Variants in SH3RF3 observed in about 807,000 individuals in gnomAD.
SH3RF3 encodes SH3 domain containing ring finger 3, also known as E3 ubiquitin-protein ligase SH3RF3.
SH3RF3 carries 29 observed loss-of-function variants against 66.3 expected under a neutral mutation model. The observed-to-expected ratio is 0.44, with a 90% CI of 0.33 to 0.60. The LOEUF (loss-of-function observed/expected upper bound fraction) is 0.60. Among genes scored for constraint, SH3RF3 ranks in the 20% least tolerant of loss-of-function variants. The pLI, the probability that SH3RF3 is intolerant of heterozygous loss-of-function variation, is 0.04. For missense variants in SH3RF3, 1,194 were observed against 1,190.9 expected, an observed-to-expected ratio of 1.00 and a Z score of -0.04; for synonymous variants, 583 against 532.0, an observed-to-expected ratio of 1.10 and a Z score of -1.32.
At chr2:109,150,108 C>T (rs1033000012) in intron 1 of SH3RF3, among the ~76,000 whole-genome samples, 6 of 152,204 alleles carry the variant, frequency 3.9e-5, no homozygotes, top group African/African-American at 1.4e-4. Context: ...CTGATCTAAA[C>T]TGCAGAAGGC....
Position 109,242,731 on chromosome 2 carries a change from G to A in SH3RF3, c.574-104943G>A, listed in dbSNP as rs867310389. On this transcript the variant is annotated intron_variant, in intron 1 of 9. Coordinates refer to ENST00000309415, the MANE Select transcript of SH3RF3 (RefSeq NM_001099289.3). ...CCTGGTCTGGGCTCAGAGGTTTGGA[G>A]TCCACAGCTGGGCCTTGATCTTCTT... Among the ~76,000 whole-genome samples, 19 of 152,194 alleles carry A rather than the reference G, an allele frequency of 1.2e-4. 1 individual carries two copies. Among genetic ancestry groups the A allele is most frequent in the Admixed American group, 1.3e-4 (2 of 15,284 alleles).
chr2:109,240,340 TAGTC>T (rs1679748360), intron 1 of SH3RF3, among the ~76,000 whole-genome samples: 1 of 151,878 alleles, frequency 6.6e-6, no homozygotes, highest in Non-Finnish European at 1.5e-5. Context: ...ACAAAAAAAT[TAGTC>T]AGGTGTGGTG....
intron 5 of SH3RF3, among the ~76,000 whole-genome samples, chr2:109,431,130 C>G (rs1469460131): frequency 6.6e-6 from 1 of 152,190 alleles, no homozygotes; most frequent in Non-Finnish European, 1.5e-5. Flanking sequence ...TCTGTTTTCA[C>G]TTCTAAGTGG....
chr2:109,251,570 C>T, intron 1 of SH3RF3: 1 of 833,904 alleles, frequency 1.2e-6, no homozygotes. Flanking sequence ...GAGATGGCGA[C>T]TGGTGGGCAA....
intron 3 of SH3RF3, among the ~76,000 whole-genome samples, chr2:109,383,177 G>A (rs896741142): frequency 6.6e-6 from 1 of 152,238 alleles, no homozygotes; most frequent in Admixed American, 6.5e-5. Context: ...ACTTAGCTGT[G>A]GAGAGATTTG....
intron 8 of SH3RF3, among the ~76,000 whole-genome samples, chr2:109,462,475 A>G (rs963201230): frequency 1.3e-5 from 2 of 152,152 alleles, no homozygotes; most frequent in East Asian, 1.9e-4. Flanking sequence ...GTCATTCTCC[A>G]TGATCCATCT....
chr2:109,253,860 A>G (rs1175830403), intron 1 of SH3RF3, among the ~76,000 whole-genome samples: 1 of 152,166 alleles, frequency 6.6e-6, no homozygotes, highest in East Asian at 1.9e-4. Flanking sequence ...AGAAACCAGA[A>G]AGTAATGTAT....
At chr2:109,422,261 A>G (rs1676902184) in intron 5 of SH3RF3, among the ~76,000 whole-genome samples, 1 of 152,228 alleles carries the variant, frequency 6.6e-6, no homozygotes, top group African/African-American at 2.4e-5. Flanking sequence ...GACTCCAGCC[A>G]GGGCCCAGAT....
rs569419365 is a variant in SH3RF3, at chr2:109,223,285, G to A, written c.573+93172G>A. Among the ~76,000 whole-genome samples, 7 of 152,324 alleles carry A rather than the reference G, an allele frequency of 4.6e-5. No individual in the cohort carries two copies. In the South Asian group the frequency reaches 6.2e-4, roughly 14 times the overall value. On this transcript the variant is annotated intron_variant, in intron 1 of 9. Transcript: ENST00000309415. ...CAGATCCAGAGCCCTCAGAGGCTGC[G>A]TGAGCACCAGCCACGTGAGCAGCCT...
rs564406354 is a variant in SH3RF3, at chr2:109,400,427, T to C, written c.1299+1484T>C. 3.5e-4 allele frequency among the ~76,000 whole-genome samples: 53 copies of C among 152,132 alleles called. No homozygotes were observed. The East Asian group carries it at 5.0e-3, about 14-fold the overall frequency. The stretch of plus-strand genomic sequence containing the variant: ...ATACACATATACACCTGTGCACATA[T>C]GTGCACTTATATGCACCCCTTCCAC... On this transcript the variant is annotated intron_variant, in intron 4 of 9. Transcript: ENST00000309415.
chr2:109,491,096 G>A (rs1679119405), intron 9 of SH3RF3, among the ~76,000 whole-genome samples, 160 bp downstream of exon 9: 1 of 152,232 alleles, frequency 6.6e-6, no homozygotes, highest in Non-Finnish European at 1.5e-5. Flanking sequence ...TGGGTGGTGA[G>A]TGCTGGATGA....
chr2:109,306,811 G>T (rs1015010091), intron 1 of SH3RF3, among the ~76,000 whole-genome samples: 3 of 152,194 alleles, frequency 2.0e-5, no homozygotes, highest in Non-Finnish European at 4.4e-5. Context: ...GGTTGATTAC[G>T]TATTTCCTAG....
At chr2:109,153,535 A>T (rs1219984168) in intron 1 of SH3RF3, among the ~76,000 whole-genome samples, 1 of 152,244 alleles carries the variant, frequency 6.6e-6, no homozygotes, top group Non-Finnish European at 1.5e-5. Context: ...GGCTCGGCTC[A>T]GTGTGCAATG....
At chr2:109,353,739 A>G (rs1171541365) in intron 2 of SH3RF3, among the ~76,000 whole-genome samples, 2 of 152,168 alleles carry the variant, frequency 1.3e-5, no homozygotes, top group African/African-American at 4.8e-5. Flanking sequence ...GGCACTCAGA[A>G]CCCAAAGACG....
chr2:109,260,665 G>A (rs1156291137), intron 1 of SH3RF3, among the ~76,000 whole-genome samples: 1 of 152,184 alleles, frequency 6.6e-6, no homozygotes, highest in East Asian at 1.9e-4. Flanking sequence ...GGCCAATGGA[G>A]GCCCATGGGA....
intron 1 of SH3RF3, among the ~76,000 whole-genome samples, chr2:109,181,141 C>T (rs1172688558): frequency 2.0e-5 from 3 of 152,118 alleles, no homozygotes; most frequent in Non-Finnish European, 4.4e-5. Context: ...CCTTCCAGCT[C>T]GTCTGTGTTT....
intron 1 of SH3RF3, among the ~76,000 whole-genome samples, chr2:109,282,865 G>C (rs1232065116): frequency 6.6e-6 from 1 of 152,132 alleles, no homozygotes; most frequent in Non-Finnish European, 1.5e-5. Context: ...GAGGAGAGGA[G>C]CTATGGATGG....
intron 8 of SH3RF3, among the ~76,000 whole-genome samples, chr2:109,485,261 A>G (rs980510257): frequency 2.0e-5 from 3 of 152,238 alleles, no homozygotes; most frequent in Admixed American, 6.5e-5. Context: ...ACCTGTCTCC[A>G]CATGGCTTAA....
intron 1 of SH3RF3, among the ~76,000 whole-genome samples, chr2:109,232,643 G>T (rs1040046525): frequency 1.3e-5 from 2 of 152,108 alleles, no homozygotes; most frequent in African/African-American, 4.8e-5. Flanking sequence ...TCTGGAAAGG[G>T]GTGATTGATT....
Sources: allele counts gnomAD v4.1 joint callset (sites outside exome capture counted in the v4.1 genomes callset), GRCh38; gene constraint gnomAD v4.1.1; transcripts MANE v1.5; gene names NCBI Gene and HGNC (gene_info 2026-07-23, HGNC 2026-07-21).